The following CADM2 variants were observed in gnomAD, a reference collection of about 807,000 sequenced individuals.
CADM2 encodes the protein immunoglobulin superfamily member 4D.
A neutral mutation model predicts 49.8 loss-of-function variants in CADM2; 12 were observed. That is an observed-to-expected ratio of 0.24 (90% confidence interval 0.15 to 0.39). The LOEUF is 0.39. CADM2 is among the 10% of genes least tolerant of loss of function. The probability of loss-of-function intolerance (pLI) is 1.00; values close to 1 mark genes in which losing one functional copy is unlikely to be tolerated. For missense variants in CADM2, 378 were observed against 492.3 expected, an observed-to-expected ratio of 0.77 and a Z score of 2.20; for synonymous variants, 214 against 175.4, an observed-to-expected ratio of 1.22 and a Z score of -1.74.
rs903551123 is a variant in CADM2 at position 85,510,729 on chromosome 3, T to G, written c.62-215793T>G. Among the ~76,000 whole-genome samples, 7 of 152,190 alleles carry G rather than the reference T, an allele frequency of 4.6e-5. No individual in the cohort carries two copies. The South Asian group carries it at 1.4e-3, about 32-fold the overall frequency. On this transcript the variant is annotated intron_variant, in intron 1 of 9. Coordinates refer to ENST00000383699, the MANE Select transcript of CADM2 (RefSeq NM_001167675.2). ...TTAACTCACTGATTTTTTGCTTTCC[T>G]ATGTGATTAGTTCAATTAGTCTTTC...
chr3:85,641,722 C>G (rs949377864), intron 1 of CADM2, among the ~76,000 whole-genome samples: 3 of 151,290 alleles, frequency 2.0e-5, no homozygotes, highest in South Asian at 2.1e-4. Context: ...GTCAGGAGAT[C>G]GAGACCATCC....
At chr3:86,052,948 C>G (rs1273744955) in intron 8 of CADM2, among the ~76,000 whole-genome samples, 1 of 152,112 alleles carries the variant, frequency 6.6e-6, no homozygotes, top group Non-Finnish European at 1.5e-5. Flanking sequence ...AGATCCATGA[C>G]TATCTGATCA....
chr3:85,950,405 T>A (rs867862371), intron 7 of CADM2, among the ~76,000 whole-genome samples: 1 of 151,268 alleles, frequency 6.6e-6, no homozygotes, highest in Non-Finnish European at 1.5e-5. Context: ...CATAGCAATC[T>A]TATCTTTTCT....
intron 1 of CADM2, among the ~76,000 whole-genome samples, chr3:85,575,039 A>C (rs6790699): frequency 6.6e-6 from 1 of 151,966 alleles, no homozygotes; most frequent in Non-Finnish European, 1.5e-5. Context: ...ATATTTAGGC[A>C]TGTAATAGTT....
intron 1 of CADM2, among the ~76,000 whole-genome samples, chr3:85,034,790 CTTTTTT>C (rs1179967499): frequency 0.045 from 3,755 of 84,002 alleles, 85 homozygotes; most frequent in South Asian, 0.083. Context: ...AGACATTTTG[CTTTTTT>C]TTTTTTTTTT....
intron 1 of CADM2, among the ~76,000 whole-genome samples, chr3:85,690,455 A>T (rs1251160641): frequency 2.0e-5 from 3 of 151,916 alleles, no homozygotes; most frequent in Non-Finnish European, 4.4e-5. Flanking sequence ...ATTCAAAATG[A>T]TTATTACAAT....
chr3:85,215,910 G>T lies in CADM2; in HGVS notation c.61+256242G>T, dbSNP rs142888973. On this transcript the variant is annotated intron_variant, in intron 1 of 9. Transcript: ENST00000383699. ...TGTTCTCCCTCCCACAAGCACACAGGTTCTCTCCCCACACCATGCAGACGC... is the reference window on the plus strand; with the variant it reads ...TGTTCTCCCTCCCACAAGCACACAGTTTCTCTCCCCACACCATGCAGACGC... 7.3e-4 allele frequency among the ~76,000 whole-genome samples: 111 copies of T among 152,178 alleles called. No homozygotes were observed. The East Asian group carries it at 0.019, about 26-fold the overall frequency.
chr3:85,958,731 A>G (rs1425333522), intron 7 of CADM2, among the ~76,000 whole-genome samples: 2 of 152,016 alleles, frequency 1.3e-5, no homozygotes, highest in Admixed American at 6.6e-5. Context: ...AAAAGGAGTG[A>G]GATCATGTCC....
At chr3:85,081,621 C>A (rs1360793518) in intron 1 of CADM2, among the ~76,000 whole-genome samples, 2 of 151,982 alleles carry the variant, frequency 1.3e-5, no homozygotes, top group South Asian at 2.1e-4. Context: ...TCAGTGATTC[C>A]TTTTGAGTTT....
At chr3:85,699,490 C>A (rs1239562096) in intron 1 of CADM2, among the ~76,000 whole-genome samples, 1 of 152,218 alleles carries the variant, frequency 6.6e-6, no homozygotes, top group Non-Finnish European at 1.5e-5. Context: ...GGTGGAGGAT[C>A]CCAAGCCTCA....
At chr3:85,921,332 A>G (rs1165502488) in intron 6 of CADM2, among the ~76,000 whole-genome samples, 1 of 152,020 alleles carries the variant, frequency 6.6e-6, no homozygotes, top group African/African-American at 2.4e-5. Flanking sequence ...ACACACACAC[A>G]GACATACACA....
chr3:85,095,115 T>G (rs920329448), intron 1 of CADM2, among the ~76,000 whole-genome samples: 6 of 152,194 alleles, frequency 3.9e-5, no homozygotes, highest in African/African-American at 1.2e-4. Flanking sequence ...CCTTTACAAA[T>G]TACAAGTGGT....
At chr3:85,979,352 G>C in intron 8 of CADM2, 3 of 1,508,912 alleles carry the variant, frequency 2.0e-6, no homozygotes, top group East Asian at 2.3e-5. Context: ...TTTTTAGAAA[G>C]GTTAAAAACA....
At chr3:85,106,300 A>AT (rs764948238) in intron 1 of CADM2, among the ~76,000 whole-genome samples, 14 of 152,046 alleles carry the variant, frequency 9.2e-5, no homozygotes, top group Non-Finnish European at 1.5e-4. Context: ...GAAGATGGAG[A>AT]TTTTTTCCCT....
chr3:86,071,705 GT>G lies in CADM2; in HGVS notation c.*4923del, dbSNP rs1739880113. On this transcript the variant is annotated 3_prime_UTR_variant, in exon 10 of 10. Coordinates refer to ENST00000383699, the MANE Select transcript of CADM2 (RefSeq NM_001167675.2). ...GAAATCTCAAAAGCCAAGTTCTTCA[GT>G]GTATTCTATGGTGTATGAATCTGCA... 6.6e-6 allele frequency: 1 copy of G among 151,946 alleles called. No homozygotes were observed. Among genetic ancestry groups the G allele is most frequent in the Admixed American group, 6.6e-5 (1 of 15,230 alleles). 9.4% of individuals were successfully genotyped at this position (151,946 alleles called of 1,614,324 possible).
At chr3:85,338,774 A>C (rs1335484578) in intron 1 of CADM2, among the ~76,000 whole-genome samples, 1 of 151,540 alleles carries the variant, frequency 6.6e-6, no homozygotes, top group Non-Finnish European at 1.5e-5. Flanking sequence ...AACCATGACA[A>C]TAAAAGTCAC....
At chr3:85,079,430 T>C (rs761177209) in intron 1 of CADM2, among the ~76,000 whole-genome samples, 2 of 151,854 alleles carry the variant, frequency 1.3e-5, no homozygotes, top group African/African-American at 2.4e-5. Context: ...CTTCCTTTAA[T>C]TGTAGAAGGA....
intron 1 of CADM2, among the ~76,000 whole-genome samples, chr3:85,398,799 G>A (rs959692515): frequency 1.9e-4 from 29 of 152,238 alleles, no homozygotes; most frequent in African/African-American, 6.8e-4. Context: ...CTGCATAAAT[G>A]TCTCCTTTTG....
chr3:85,670,682 C>T (rs2065709430), intron 1 of CADM2, among the ~76,000 whole-genome samples: 1 of 151,996 alleles, frequency 6.6e-6, no homozygotes, highest in South Asian at 2.1e-4. Context: ...ACATGATGGC[C>T]ATGTATGATC....
Sources: allele counts gnomAD v4.1 joint callset (sites outside exome capture counted in the v4.1 genomes callset), GRCh38; gene constraint gnomAD v4.1.1; transcripts MANE v1.5; gene names NCBI Gene and HGNC (gene_info 2026-07-23, HGNC 2026-07-21).